Variants in ANKHD1 observed in about 807,000 individuals in gnomAD.
The protein encoded by ANKHD1 is ankyrin repeat and KH domain containing 1.
A neutral mutation model predicts 230.5 loss-of-function variants in ANKHD1; 31 were observed. The observed-to-expected ratio is 0.13, with a 90% CI of 0.10 to 0.18. The LOEUF is 0.18. Ranked by LOEUF, ANKHD1 falls within the 10% of genes least tolerant of loss-of-function variation. The pLI is 1.00. For missense variants in ANKHD1, 2,256 were observed against 3,071.3 expected (o/e 0.73, Z 6.27); for synonymous variants, 1,074 against 1,117.6 (o/e 0.96, Z 0.78).
intron 10 of ANKHD1, among the ~76,000 whole-genome samples, chr5:140,478,640 G>A (rs541440956): frequency 1.3e-5 from 2 of 152,014 alleles, no homozygotes; most frequent in Admixed American, 1.3e-4. Flanking sequence ...GGGTTTTTGG[G>A]TTTTTTTGTT....
chr5:140,423,987 C>T (rs1474244754), intron 1 of ANKHD1, among the ~76,000 whole-genome samples: 3 of 152,156 alleles, frequency 2.0e-5, no homozygotes, highest in African/African-American at 7.2e-5. Context: ...GGCCAAAATC[C>T]TTCCCATTTC....
At position 140,433,366 on chromosome 5, in the gene ANKHD1, C is replaced by T. The variant is rs183609180; in HGVS notation, c.307-2738C>T. ...AGGCATGAGCCACCACACCCAGCCTCCAAGCCTATTTTTTATTTCATTTTC... is the reference window on the plus strand; with the variant it reads ...AGGCATGAGCCACCACACCCAGCCTTCAAGCCTATTTTTTATTTCATTTTC... On this transcript the variant is annotated intron_variant, in intron 1 of 33. Coordinates refer to ENST00000360839, the MANE Select transcript of ANKHD1 (RefSeq NM_017747.3). 3.0e-4 allele frequency among the ~76,000 whole-genome samples: 45 copies of T among 152,324 alleles called. 1 individual carries two copies. Among genetic ancestry groups the T allele is most frequent in the Non-Finnish European group, 1.5e-5 (1 of 68,036 alleles).
chr5:140,512,678 A>G (rs1008624054), intron 22 of ANKHD1, 150 bp from the exon 23 acceptor site: 10 of 557,288 alleles, frequency 1.8e-5, no homozygotes, highest in Non-Finnish European at 2.8e-5. Context: ...TCTATTTGGA[A>G]GTATTTGCCT....
intron 14 of ANKHD1, among the ~76,000 whole-genome samples, chr5:140,491,473 G>T (rs1719398324): frequency 6.6e-6 from 1 of 151,778 alleles, no homozygotes; most frequent in African/African-American, 2.4e-5. Context: ...CGATTACCTT[G>T]TATTTTTAAT....
At chr5:140,473,580 A>G (rs1739641072) in intron 10 of ANKHD1, among the ~76,000 whole-genome samples, 1 of 152,118 alleles carries the variant, frequency 6.6e-6, no homozygotes, top group African/African-American at 2.4e-5. Context: ...AGCTGGGACT[A>G]GAGGCATGTG....
In ANKHD1 at chr5:140,496,903, G is replaced by C. The variant is rs151134057; in HGVS notation, c.2629G>C (p.Gly877Arg). Residue 877 changes from glycine to arginine, a missense_variant, in exon 15 of 34, where the codon GGA (glycine) becomes CGA (arginine). Physicochemically the swap from Gly to Arg is moderately radical, Grantham distance 125. This residue lies in a region of ANKHD1 where 358 missense variants were observed against 397.7 expected (regional missense o/e 0.90). Transcript: ENST00000360839. ...TCTACACCAACAGTGCTCTCATAGAGGAGTCTTCCCAGAAGGGGAAGGAGA... is the reference window on the plus strand; with the variant it reads ...TCTACACCAACAGTGCTCTCATAGACGAGTCTTCCCAGAAGGGGAAGGAGA... ...VSLHQQCSHR[G>R]VFPEGEGDGS... is the part of the protein sequence containing the mutation. The C allele has an allele frequency of 1.4e-5, 22 of 1,614,088 alleles. No individual in the cohort carries two copies. The highest frequency in any genetic ancestry group is 1.9e-5 in the Non-Finnish European group (22 of 1,180,042).
intron 1 of ANKHD1, among the ~76,000 whole-genome samples, chr5:140,411,962 G>A (rs1770965624): frequency 2.0e-5 from 3 of 151,752 alleles, no homozygotes; most frequent in Non-Finnish European, 4.4e-5. Flanking sequence ...GGGCTCAAGC[G>A]ATCCTCCCCT....
In ANKHD1 at chr5:140,512,887, A is replaced by G. The variant is rs1370947835; in HGVS notation, c.4164A>G (p.Ile1388Met). 2 of 1,601,236 alleles carry G rather than the reference A, an allele frequency of 1.2e-6. No individual in the cohort carries two copies. The highest frequency in any genetic ancestry group is 8.5e-7 in the Non-Finnish European group (1 of 1,176,006). ...VKEVNQFPSD[I>M]ECMRYIATIT... ...AAGTAAATCAGTTCCCTTCTGATATAGAATGCATGAGATACATAGCAACAA... is the reference window on the plus strand; with the variant it reads ...AAGTAAATCAGTTCCCTTCTGATATGGAATGCATGAGATACATAGCAACAA... Residue 1388 changes from isoleucine to methionine, a missense_variant, in exon 23 of 34, where the codon ATA becomes ATG. Around this residue, in one of 13 missense-constraint regions of ANKHD1, gnomAD observed 195 missense variants for 340.3 expected, o/e 0.57. Coordinates refer to ENST00000360839, the MANE Select transcript of ANKHD1 (RefSeq NM_017747.3).
chr5:140,528,142 T>TG, intron 28 of ANKHD1, 42 bp from the exon 29 acceptor site: 1 of 1,542,072 alleles, frequency 6.5e-7, no homozygotes, highest in Non-Finnish European at 8.7e-7. Flanking sequence ...TTTTTTTTTT[T>TG]TAATGTTTTT....
intron 9 of ANKHD1, among the ~76,000 whole-genome samples, chr5:140,463,993 T>G (rs1459388977): frequency 6.6e-6 from 1 of 152,032 alleles, no homozygotes; most frequent in Non-Finnish European, 1.5e-5. Flanking sequence ...GATTTTTACT[T>G]AAGTTCAAGA....
chr5:140,429,134 T>C (rs1269098658), intron 1 of ANKHD1, among the ~76,000 whole-genome samples: 3 of 146,046 alleles, frequency 2.1e-5, no homozygotes, highest in African/African-American at 7.7e-5. Context: ...CGCTCTGTTG[T>C]CCAGGCTGAA....
At chr5:140,439,891 T>TA (rs1773730150) in intron 3 of ANKHD1, among the ~76,000 whole-genome samples, 1 of 152,212 alleles carries the variant, frequency 6.6e-6, no homozygotes, top group East Asian at 1.9e-4. Flanking sequence ...TTTTAAAAGA[T>TA]AAAAATGACA....
chr5:140,502,354 G>A (rs1364651145), intron 15 of ANKHD1, among the ~76,000 whole-genome samples: 1 of 152,154 alleles, frequency 6.6e-6, no homozygotes, highest in Non-Finnish European at 1.5e-5. Context: ...CTAGGATAAT[G>A]TAGTACAAAA....
chr5:140,510,209 A>G (rs1752695909), intron 22 of ANKHD1, 28 bp downstream of exon 22: 7 of 1,572,378 alleles, frequency 4.5e-6, no homozygotes, highest in Non-Finnish European at 6.1e-6. Flanking sequence ...AAGAAAGGTC[A>G]ATTTTAAGCC....
intron 10 of ANKHD1, among the ~76,000 whole-genome samples, chr5:140,472,698 A>G (rs1472641217): frequency 6.6e-6 from 1 of 151,762 alleles, no homozygotes; most frequent in African/African-American, 2.4e-5. Flanking sequence ...TTTTAAAAAT[A>G]ATACTCAAAT....
intron 10 of ANKHD1, among the ~76,000 whole-genome samples, chr5:140,468,283 A>C (rs35346561): frequency 0.2 from 29,956 of 150,888 alleles, 3,371 homozygotes; most frequent in South Asian, 0.27. Context: ...ACAAAAAAAA[A>C]CAAAAAAACA....
At chr5:140,478,646 T>C (rs1751096571) in intron 10 of ANKHD1, among the ~76,000 whole-genome samples, 1 of 151,932 alleles carries the variant, frequency 6.6e-6, no homozygotes, top group Non-Finnish European at 1.5e-5. Flanking sequence ...TTGGGTTTTT[T>C]TGTTTGTTTG....
rs1385193998 is a variant in ANKHD1 at position 140,527,250 on chromosome 5, G to A, written c.5087+176G>A. On this transcript the variant is annotated intron_variant, in intron 27 of 33. Transcript: ENST00000360839. The surrounding 1 kb of genome is among the most constrained non-coding windows in gnomAD (Gnocchi z 4.5). ...TAGAAGCAGTATGTAAATTTTGCAT[G>A]CATATTTTATATGACACAAGAAATT... The A allele has an allele frequency of 9.3e-7, 1 of 1,072,718 alleles. No homozygotes were observed. Among genetic ancestry groups the A allele is most frequent in the Non-Finnish European group, 1.2e-6 (1 of 816,646 alleles). The allele number at this position is 1,072,718 out of a possible 1,614,324, so 66.4% of individuals were successfully genotyped here.
At chr5:140,469,339 CAAAAAA>C (rs1034952876) in intron 10 of ANKHD1, among the ~76,000 whole-genome samples, 2 of 87,606 alleles carry the variant, frequency 2.3e-5, no homozygotes, top group South Asian at 3.8e-4. Context: ...CTGTCTCTAC[CAAAAAA>C]AAAAAAAAAA....
Sources: allele counts gnomAD v4.1 joint callset (sites outside exome capture counted in the v4.1 genomes callset), GRCh38; gene constraint gnomAD v4.1.1; regional missense constraint gnomAD v4.1.1; non-coding constraint Gnocchi (gnomAD v3.1); transcripts MANE v1.5; gene names NCBI Gene and HGNC (gene_info 2026-07-23, HGNC 2026-07-21).